OLIG3: variants seen among roughly 807,000 people sequenced by gnomAD.
The protein encoded by OLIG3 is class B basic helix-loop-helix protein 7.
In OLIG3, 12 loss-of-function variants were observed where a neutral mutation model predicts 14.7. The observed-to-expected ratio is 0.82, with a 90% CI of 0.52 to 1.32. The LOEUF (loss-of-function observed/expected upper bound fraction) is 1.32. Among genes scored for constraint, OLIG3 ranks in the 40% most tolerant of loss-of-function variants. The pLI is 0.00. For synonymous variants in OLIG3, 192 were observed against 171.4 expected, an observed-to-expected ratio of 1.12 and a Z score of -0.94; for missense variants, 405 against 373.7, an observed-to-expected ratio of 1.08 and a Z score of -0.69.
At position 137,494,344 on chromosome 6, in the gene OLIG3, T is replaced by A. The variant is rs1264309197; in HGVS notation, c.-174A>T. On this transcript the variant is annotated 5_prime_UTR_variant, in exon 1 of 1. Coordinates refer to ENST00000367734, the MANE Select transcript of OLIG3 (RefSeq NM_175747.2). The stretch of plus-strand genomic sequence containing the variant: ...CCCGCCTCTCTCCCTCCCACGCCCC[T>A]CTCTCTGGTTAGGCTGCTTCCTGGA... 1.6e-6 allele frequency: 1 copy of A among 640,422 alleles called. No individual in the cohort carries two copies. Among genetic ancestry groups the A allele is most frequent in the Non-Finnish European group, 2.8e-6 (1 of 362,250 alleles). The allele number at this position is 640,422 out of a possible 1,614,324, so 39.7% of individuals were successfully genotyped here. A position where few individuals can be genotyped will look rare whatever the true frequency, so the allele number is the denominator to read the frequency against.
rs767785444 is a variant in OLIG3, at chr6:137,493,398, G to T, written c.773C>A (p.Ala258Asp). The change falls in exon 1 of 1, where the codon GCC (alanine) becomes GAC (aspartate). Residue 258 changes from alanine (A) to aspartate (D), a missense_variant. Ala to Asp is a moderately radical substitution (Grantham distance 126). Around this residue, in one of 3 missense-constraint regions of OLIG3, gnomAD observed 230 missense variants for 178.5 expected, o/e 1.29. Coordinates refer to ENST00000367734, the MANE Select transcript of OLIG3 (RefSeq NM_175747.2). This position sits in a 1 kb window ranked among gnomAD's most constrained non-coding sequence, Gnocchi z 6.1. ...CTCGGCCGACAGCCGGGCCATGTTG[G>T]CTGTGGAGAGAGCGGACAGGTGCGG... is the stretch of plus-strand genomic sequence containing the variant. Reference protein sequence around the residue: ...PPPHLSALSTANMARLSAESK... With the variant: ...PPPHLSALSTDNMARLSAESK... The T allele has an allele frequency of 1.9e-6, 3 of 1,594,810 alleles. No individual in the cohort carries two copies. The highest frequency in any genetic ancestry group is 1.1e-5 in the South Asian group (1 of 89,562).
rs1446594554 is a variant in OLIG3 at position 137,493,635 on chromosome 6, T to G, written c.536A>C (p.His179Pro). ...GCCGCCCAAGATGGGGTGCACCGGGTGCACGGAGTTGGCCGCGTGCGCGGG... is the reference window on the plus strand; with the variant it reads ...GCCGCCCAAGATGGGGTGCACCGGGGGCACGGAGTTGGCCGCGTGCGCGGG... ...GHPAHAANSVHPVHPILGGAL... is the reference protein window; with the variant it reads ...GHPAHAANSVPPVHPILGGAL... Residue 179 changes from histidine to proline, a missense_variant, in exon 1 of 1, where the codon CAC becomes CCC. Coordinates refer to ENST00000367734, the MANE Select transcript of OLIG3 (RefSeq NM_175747.2). This position sits in a 1 kb window ranked among gnomAD's most constrained non-coding sequence, Gnocchi z 6.1. 10 of 1,607,968 alleles carry G rather than the reference T, an allele frequency of 6.2e-6. No individual in the cohort carries two copies. Among genetic ancestry groups the G allele is most frequent in the Non-Finnish European group, 8.5e-6 (10 of 1,179,208 alleles).
Position 137,493,734 on chromosome 6 carries a change from C to A in OLIG3, c.437G>T (p.Arg146Met). The part of the protein sequence containing the change: ...MLTSSLEEMK[R>M]LVGEIYGGHH... The stretch of plus-strand genomic sequence containing the variant: ...GCCCCCATAGATCTCGCCAACCAGC[C>A]TCTTCATCTCCTCCAGGGAGCTGGT... Residue 146 changes from arginine to methionine, a missense_variant, in exon 1 of 1, where the codon AGG (arginine) becomes ATG (methionine). Transcript: ENST00000367734. This position sits in a 1 kb window ranked among gnomAD's most constrained non-coding sequence, Gnocchi z 6.1. The A allele has an allele frequency of 6.2e-7, 1 of 1,613,968 alleles. No homozygotes were observed.
rs1783144550 is a variant in OLIG3, at chr6:137,493,230, G to T, written c.*122C>A. On this transcript the variant is annotated 3_prime_UTR_variant, in exon 1 of 1. Transcript: ENST00000367734. This position sits in a 1 kb window ranked among gnomAD's most constrained non-coding sequence, Gnocchi z 6.1. ...GATCTCTCAGACAGCGTGGGAGGCT[G>T]CGGGCCCCGGAGCCTGCCCTCCCGT... 3 of 757,156 alleles carry T rather than the reference G, an allele frequency of 4.0e-6. No homozygotes were observed. The highest frequency in any genetic ancestry group is 6.0e-6 in the Non-Finnish European group (3 of 501,696). The allele number at this position is 757,156 out of a possible 1,614,324, so 46.9% of individuals were successfully genotyped here. A position where few individuals can be genotyped will look rare whatever the true frequency, so the allele number is the denominator to read the frequency against.
In OLIG3 at chr6:137,494,309, G is replaced by GT; in HGVS notation, c.-140_-139insA. ...AAGACGTGAGAAGAAAAGCGGAGAC[G>GT]CTGCTTTTCCCCGCCTCTCTCCCTC... On this transcript the variant is annotated 5_prime_UTR_variant, in exon 1 of 1. Coordinates refer to ENST00000367734, the MANE Select transcript of OLIG3 (RefSeq NM_175747.2). 5.4e-6 allele frequency: 4 copies of GT among 743,312 alleles called. No homozygotes were observed. Among genetic ancestry groups the GT allele is most frequent in the Non-Finnish European group, 6.6e-6 (3 of 454,710 alleles). The allele number at this position is 743,312 out of a possible 1,614,324, so 46.0% of individuals were successfully genotyped here.
rs1223233856 is a variant in OLIG3 at position 137,493,488 on chromosome 6, C to T, written c.683G>A (p.Gly228Asp). The T allele has an allele frequency of 1.9e-6, 3 of 1,574,044 alleles. No individual in the cohort carries two copies. Among genetic ancestry groups the T allele is most frequent in the East Asian group, 4.6e-5 (2 of 43,622 alleles). Residue 228 changes from glycine to aspartate, a missense_variant, in exon 1 of 1, where the codon GGC (glycine) becomes GAC (aspartate). Physicochemically the swap from Gly to Asp is moderately conservative, Grantham distance 94 (BLOSUM62 -1). Transcript: ENST00000367734. The surrounding 1 kb of genome is among the most constrained non-coding windows in gnomAD (Gnocchi z 6.1). Reference protein sequence around the residue: ...APSTPPALQLGSGFQHWAGLP... With the variant: ...APSTPPALQLDSGFQHWAGLP... Reference sequence around the variant, plus strand: ...ACCAGCCCAGTGCTGGAAGCCGCTGCCCAGCTGCAGCGCGGGCGGCGTGGA... The same window carrying T: ...ACCAGCCCAGTGCTGGAAGCCGCTGTCCAGCTGCAGCGCGGGCGGCGTGGA...
At position 137,493,375 on chromosome 6, in the gene OLIG3, C is replaced by A; in HGVS notation, c.796G>T (p.Glu266Ter). Reference protein sequence around the residue: ...STANMARLSAESKDLLK With the variant: ...STANMARLSA ...GCTCACTTGAGCAAGTCCTTGGACT[C>A]GGCCGACAGCCGGGCCATGTTGGCT... Residue 266 changes from glutamate to a stop codon, truncating the protein, a stop_gained, in exon 1 of 1, where the codon GAG (glutamate) becomes TAG (stop). Transcript: ENST00000367734. LOFTEE classifies it high-confidence loss of function. This position sits in a 1 kb window ranked among gnomAD's most constrained non-coding sequence, Gnocchi z 6.1. The A allele has an allele frequency of 1.3e-6, 2 of 1,590,244 alleles. No individual in the cohort carries two copies. The highest frequency in any genetic ancestry group is 1.1e-5 in the South Asian group (1 of 89,122).
In OLIG3 at chr6:137,493,973, C is replaced by T. The variant is rs374598731; in HGVS notation, c.198G>A (p.Glu66=). ...LSRAGAKAAG[E]SSKYKIKKQL... Reference sequence around the variant, plus strand: ...GCTTCTTGATTTTGTACTTGCTGCTCTCTCCCGCGGCCTTGGCGCCAGCCC... The same window carrying T: ...GCTTCTTGATTTTGTACTTGCTGCTTTCTCCCGCGGCCTTGGCGCCAGCCC... The change falls in exon 1 of 1, where the codon GAG becomes GAA. Residue 66 remains glutamate, a synonymous_variant. Transcript: ENST00000367734. The surrounding 1 kb of genome is among the most constrained non-coding windows in gnomAD (Gnocchi z 6.1). 1.1e-5 allele frequency: 18 copies of T among 1,614,036 alleles called. No homozygotes were observed. The highest frequency in any genetic ancestry group is 8.8e-5 in the South Asian group (8 of 91,088).
chr6:137,494,092 G>T lies in OLIG3; in HGVS notation c.79C>A (p.His27Asn). 1 of 1,612,612 alleles carries T rather than the reference G, an allele frequency of 6.2e-7. No individual in the cohort carries two copies. The highest frequency in any genetic ancestry group is 8.5e-7 in the Non-Finnish European group (1 of 1,179,942). ...CTCTCCTGGTGGTGGTGGTGGCGGT[G>T]GTGGTGGTCCCTCAGGTACATCTCA... ...MDEMYLRDHH[H>N]RHHHHQESRL... The change falls in exon 1 of 1, where the codon CAC (histidine) becomes AAC (asparagine). Residue 27 changes from histidine (H) to asparagine (N), a missense_variant. Physicochemically the swap from His to Asn is moderately conservative, Grantham distance 68 (BLOSUM62 1). Transcript: ENST00000367734.
In OLIG3 at chr6:137,493,546, T is replaced by C. The variant is rs1293876131; in HGVS notation, c.625A>G (p.Ile209Val). 6.3e-7 allele frequency: 1 copy of C among 1,583,448 alleles called. No individual in the cohort carries two copies. The highest frequency in any genetic ancestry group is 8.6e-7 in the Non-Finnish European group (1 of 1,166,622). Reference sequence around the variant, plus strand: ...TTGAGTAGCGAGTGGGGAGGCCGGATGGTGCCGATGGCGGGAAGTGAGGCG... The same window carrying C: ...TTGAGTAGCGAGTGGGGAGGCCGGACGGTGCCGATGGCGGGAAGTGAGGCG... ...SAASLPAIGTIRPPHSLLKAP... is the reference protein window; with the variant it reads ...SAASLPAIGTVRPPHSLLKAP... Residue 209 changes from isoleucine (I) to valine (V), a missense_variant, in exon 1 of 1, where the codon ATC becomes GTC. Physicochemically the swap from Ile to Val is conservative, Grantham distance 29 (BLOSUM62 3). Transcript: ENST00000367734. The surrounding 1 kb of genome is among the most constrained non-coding windows in gnomAD (Gnocchi z 6.1).
rs779679047 is a variant in OLIG3, at chr6:137,493,446, G to C, written c.725C>G (p.Thr242Ser). 117 of 1,585,124 alleles carry C rather than the reference G, an allele frequency of 7.4e-5. No homozygotes were observed. The highest frequency in any genetic ancestry group is 9.6e-5 in the Non-Finnish European group (112 of 1,171,248). ...CGGCGGCGGCGGCATCTGGCAGATG[G>C]TGCAGGGGCAGGGCAGACCAGCCCA... is the stretch of plus-strand genomic sequence containing the variant. ...QHWAGLPCPCTICQMPPPPHL... is the reference protein window; with the variant it reads ...QHWAGLPCPCSICQMPPPPHL... The change falls in exon 1 of 1, where the codon ACC (threonine) becomes AGC (serine). Residue 242 changes from threonine to serine, a missense_variant. Physicochemically the swap from Thr to Ser is moderately conservative, Grantham distance 58 (BLOSUM62 1). Around this residue, in one of 3 missense-constraint regions of OLIG3, gnomAD observed 230 missense variants for 178.5 expected, o/e 1.29. Transcript: ENST00000367734. This position sits in a 1 kb window ranked among gnomAD's most constrained non-coding sequence, Gnocchi z 6.1.
In OLIG3 at chr6:137,493,990, C is replaced by T; in HGVS notation, c.181G>A (p.Ala61Thr). The T allele has an allele frequency of 1.9e-6, 3 of 1,613,696 alleles. No homozygotes were observed. Among genetic ancestry groups the T allele is most frequent in the Non-Finnish European group, 8.5e-7 (1 of 1,180,032 alleles). ...TTGCTGCTCTCTCCCGCGGCCTTGGCGCCAGCCCGCGAGAGGCTTTCCCCG... is the reference window on the plus strand; with the variant it reads ...TTGCTGCTCTCTCCCGCGGCCTTGGTGCCAGCCCGCGAGAGGCTTTCCCCG... ...MPGESLSRAGAKAAGESSKYK... is the reference protein window; with the variant it reads ...MPGESLSRAGTKAAGESSKYK... Residue 61 changes from alanine to threonine, a missense_variant, in exon 1 of 1, where the codon GCC becomes ACC. Around this residue, in one of 3 missense-constraint regions of OLIG3, gnomAD observed 165 missense variants for 165.5 expected, o/e 1.00. Transcript: ENST00000367734. This position sits in a 1 kb window ranked among gnomAD's most constrained non-coding sequence, Gnocchi z 6.1.
In OLIG3 at chr6:137,494,363, T is replaced by C; in HGVS notation, c.-193A>G. 1.6e-6 allele frequency: 1 copy of C among 619,710 alleles called. No homozygotes were observed. Among genetic ancestry groups the C allele is most frequent in the East Asian group, 2.8e-5 (1 of 36,276 alleles). The allele number at this position is 619,710 out of a possible 1,614,324, so 38.4% of individuals were successfully genotyped here. A position where few individuals can be genotyped will look rare whatever the true frequency, so the allele number is the denominator to read the frequency against. Reference sequence around the variant, plus strand: ...CGCCCCTCTCTCTGGTTAGGCTGCTTCCTGGACAGCTAGTTGGTGTGTGCT... The same window carrying C: ...CGCCCCTCTCTCTGGTTAGGCTGCTCCCTGGACAGCTAGTTGGTGTGTGCT... On this transcript the variant is annotated 5_prime_UTR_variant, in exon 1 of 1. Transcript: ENST00000367734.
In OLIG3 at chr6:137,493,119, C is replaced by T. The variant is rs1256519124; in HGVS notation, c.*233G>A. The stretch of plus-strand genomic sequence containing the variant: ...AGAAGCATGCATGCAAAACACACGA[C>T]ATCTGGTTCGAGTCCCCCTTTGCTA... On this transcript the variant is annotated 3_prime_UTR_variant, in exon 1 of 1. Transcript: ENST00000367734. The surrounding 1 kb of genome is among the most constrained non-coding windows in gnomAD (Gnocchi z 6.1). 1.9e-6 allele frequency: 1 copy of T among 520,944 alleles called. No homozygotes were observed. 32.3% of individuals were successfully genotyped at this position (520,944 alleles called of 1,614,324 possible). A position where few individuals can be genotyped will look rare whatever the true frequency, so the allele number is the denominator to read the frequency against.
In OLIG3 at chr6:137,493,639, C is replaced by T. The variant is rs755437837; in HGVS notation, c.532G>A (p.Val178Met). Reference protein sequence around the residue: ...AGHPAHAANSVHPVHPILGGA... With the variant: ...AGHPAHAANSMHPVHPILGGA... Reference sequence around the variant, plus strand: ...CCCAAGATGGGGTGCACCGGGTGCACGGAGTTGGCCGCGTGCGCGGGGTGG... The same window carrying T: ...CCCAAGATGGGGTGCACCGGGTGCATGGAGTTGGCCGCGTGCGCGGGGTGG... Residue 178 changes from valine to methionine, a missense_variant, in exon 1 of 1, where the codon GTG becomes ATG. Val to Met is a conservative substitution (Grantham distance 21). Transcript: ENST00000367734. The surrounding 1 kb of genome is among the most constrained non-coding windows in gnomAD (Gnocchi z 6.1). 3.7e-6 allele frequency: 6 copies of T among 1,608,104 alleles called. No homozygotes were observed. In the South Asian group the frequency reaches 6.6e-5, roughly 18 times the overall value.
chr6:137,493,802 C>T lies in OLIG3; in HGVS notation c.369G>A (p.Lys123=), dbSNP rs745864392. The T allele has an allele frequency of 1.9e-6, 3 of 1,614,104 alleles. No homozygotes were observed. Among genetic ancestry groups the T allele is most frequent in the East Asian group, 2.2e-5 (1 of 44,900 alleles). The change falls in exon 1 of 1, where the codon AAG becomes AAA. Residue 123 remains lysine, a synonymous_variant. Coordinates refer to ENST00000367734, the MANE Select transcript of OLIG3 (RefSeq NM_175747.2). The surrounding 1 kb of genome is among the most constrained non-coding windows in gnomAD (Gnocchi z 6.1). The part of the protein sequence containing the change: ...AHGPSVRKLS[K]IATLLLARNY... ...TTCTGGCGAGCAGGAGTGTGGCGAT[C>T]TTGGAGAGCTTGCGCACCGACGGCC...
In OLIG3 at chr6:137,493,333, A is replaced by G; in HGVS notation, c.*19T>C. 1 of 1,526,812 alleles carries G rather than the reference A, an allele frequency of 6.5e-7. No individual in the cohort carries two copies. Among genetic ancestry groups the G allele is most frequent in the Non-Finnish European group, 8.7e-7 (1 of 1,147,936 alleles). The allele number at this position is 1,526,812 out of a possible 1,614,324, so 94.6% of individuals were successfully genotyped here. On this transcript the variant is annotated 3_prime_UTR_variant, in exon 1 of 1. Transcript: ENST00000367734. The surrounding 1 kb of genome is among the most constrained non-coding windows in gnomAD (Gnocchi z 6.1). The stretch of plus-strand genomic sequence containing the variant: ...CCCGCCGCTCTCCCTCCTCCTTGGC[A>G]GCCGGGCCCGCCCGCTGCTCACTTG...
At position 137,493,523 on chromosome 6, in the gene OLIG3, G is replaced by A. The variant is rs149762183; in HGVS notation, c.648C>T (p.Leu216=). Residue 216 remains leucine (L), a synonymous_variant, in exon 1 of 1, where the codon CTC becomes CTT. Coordinates refer to ENST00000367734, the MANE Select transcript of OLIG3 (RefSeq NM_175747.2). This position sits in a 1 kb window ranked among gnomAD's most constrained non-coding sequence, Gnocchi z 6.1. ...IGTIRPPHSL[L]KAPSTPPALQ... is the part of the protein sequence containing the mutation. Reference sequence around the variant, plus strand: ...GCGCGGGCGGCGTGGAGGGCGCCTTGAGTAGCGAGTGGGGAGGCCGGATGG... The same window carrying A: ...GCGCGGGCGGCGTGGAGGGCGCCTTAAGTAGCGAGTGGGGAGGCCGGATGG... 8.7e-4 allele frequency: 1,372 copies of A among 1,576,920 alleles called. 9 individuals carry two copies. The African/African-American group carries it at 0.016, about 18-fold the overall frequency.
rs543778913 is a variant in OLIG3 at position 137,492,301 on chromosome 6, A to T, written c.*1051T>A. On this transcript the variant is annotated 3_prime_UTR_variant, in exon 1 of 1. Coordinates refer to ENST00000367734, the MANE Select transcript of OLIG3 (RefSeq NM_175747.2). ...GAATATATAAAAAATAAAGACAGGT[A>T]TCGTCTTTGAGGCCCTAACAAAATA... is the stretch of plus-strand genomic sequence containing the variant. 15 of 152,786 alleles carry T rather than the reference A, an allele frequency of 9.8e-5. No individual in the cohort carries two copies. The East Asian group carries it at 2.7e-3, about 27-fold the overall frequency. The allele number at this position is 152,786 out of a possible 1,614,324, so 9.5% of individuals were successfully genotyped here.
Sources: allele counts gnomAD v4.1 joint callset, GRCh38; gene constraint gnomAD v4.1.1; regional missense constraint gnomAD v4.1.1; non-coding constraint Gnocchi (gnomAD v3.1); transcripts MANE v1.5; gene names NCBI Gene and HGNC (gene_info 2026-07-23, HGNC 2026-07-21).